Variants in MFHAS1 observed in about 807,000 individuals in gnomAD.
MFHAS1 encodes the protein malignant fibrous histiocytoma-amplified sequence 1.
MFHAS1 carries 50 observed loss-of-function variants against 70.4 expected under a neutral mutation model. The ratio of observed to expected loss-of-function variants is 0.71; its 90% confidence interval spans 0.57 to 0.90. The LOEUF (loss-of-function observed/expected upper bound fraction) is 0.90. MFHAS1 is among the 40% of genes least tolerant of loss of function. The probability of loss-of-function intolerance (pLI) is 0.00; values close to 1 mark genes in which losing one functional copy is unlikely to be tolerated. For synonymous variants in MFHAS1, 952 were observed against 620.0 expected (o/e 1.54, Z -7.96); for missense variants, 1,795 against 1,347.6 (o/e 1.33, Z -5.20).
chr8:8,870,990 A>G (rs890894875), intron 1 of MFHAS1, among the ~76,000 whole-genome samples: 4 of 152,112 alleles, frequency 2.6e-5, no homozygotes. Flanking sequence ...GTGCAATCTC[A>G]GCTCATTGCA....
At chr8:8,818,269 T>C (rs1806820894) in intron 1 of MFHAS1, among the ~76,000 whole-genome samples, 1 of 152,152 alleles carries the variant, frequency 6.6e-6, no homozygotes, top group African/African-American at 2.4e-5. Context: ...GTAAATTTTC[T>C]CTGCACACCC....
intron 1 of MFHAS1, among the ~76,000 whole-genome samples, chr8:8,873,475 C>CA (rs1809167361): frequency 7.0e-6 from 1 of 142,496 alleles, no homozygotes; most frequent in South Asian, 2.2e-4. Context: ...TAATTGCTTA[C>CA]TTTTTTTTTT....
At chr8:8,809,108 T>C (rs1806449879) in intron 1 of MFHAS1, among the ~76,000 whole-genome samples, 1 of 152,166 alleles carries the variant, frequency 6.6e-6, no homozygotes, top group African/African-American at 2.4e-5. Context: ...AAGAATCTAA[T>C]GCTTAATGAT....
chr8:8,884,493 C>T (rs946954906), intron 1 of MFHAS1, among the ~76,000 whole-genome samples: 1 of 152,156 alleles, frequency 6.6e-6, no homozygotes, highest in African/African-American at 2.4e-5. Context: ...AAGAATTTTG[C>T]TTTGCTTCAG....
At chr8:8,883,029 T>C (rs1225305299) in intron 1 of MFHAS1, among the ~76,000 whole-genome samples, 3 of 152,052 alleles carry the variant, frequency 2.0e-5, no homozygotes, top group African/African-American at 7.2e-5. Context: ...GGTGCACCCC[T>C]GTAGTCCCAG....
At chr8:8,855,367 C>T (rs776344265) in intron 1 of MFHAS1, among the ~76,000 whole-genome samples, 7 of 152,174 alleles carry the variant, frequency 4.6e-5, no homozygotes, top group Non-Finnish European at 8.8e-5. Context: ...AAGAGCCAGA[C>T]CTGAACTAGA....
Position 8,870,968 on chromosome 8 carries a change from T to C in MFHAS1, c.2998+19093A>G, listed in dbSNP as rs116694789. ...AGGAGCGTCACTCTGTTGCCCAGGCTGGAGTGCAATGGTGCAATCTCAGCT... is the reference window on the plus strand; with the variant it reads ...AGGAGCGTCACTCTGTTGCCCAGGCCGGAGTGCAATGGTGCAATCTCAGCT... On this transcript the variant is annotated intron_variant, in intron 1 of 2. Transcript: ENST00000276282. Among the ~76,000 whole-genome samples, 737 of 152,342 alleles carry C rather than the reference T, an allele frequency of 4.8e-3. 4 individuals are homozygous for C. The highest frequency in any genetic ancestry group is 0.017 in the African/African-American group (709 of 41,582).
At chr8:8,862,550 G>GA (rs200762756) in intron 1 of MFHAS1, among the ~76,000 whole-genome samples, 3,612 of 152,084 alleles carry the variant, frequency 0.024, 89 homozygotes, top group Admixed American at 0.055. Context: ...ATGCTAAAAA[G>GA]AAAAAATGTC....
chr8:8,794,901 C>T (rs957735607), intron 2 of MFHAS1, among the ~76,000 whole-genome samples: 6 of 152,132 alleles, frequency 3.9e-5, no homozygotes, highest in Admixed American at 6.6e-5. Context: ...GAGAGAGAGG[C>T]TGATAACATT....
intron 1 of MFHAS1, among the ~76,000 whole-genome samples, chr8:8,829,462 C>T (rs1386292864): frequency 1.3e-5 from 2 of 152,228 alleles, no homozygotes; most frequent in African/African-American, 2.4e-5. Context: ...GGGTAGATCA[C>T]TTGAGGTCAG....
chr8:8,881,542 A>C (rs113159033), intron 1 of MFHAS1, among the ~76,000 whole-genome samples: 3,302 of 152,130 alleles, frequency 0.022, 117 homozygotes, highest in African/African-American at 0.076. Context: ...TATGCTCCCC[A>C]CTATAGAATG....
At chr8:8,882,254 G>A (rs1809554814) in intron 1 of MFHAS1, among the ~76,000 whole-genome samples, 1 of 152,160 alleles carries the variant, frequency 6.6e-6, no homozygotes, top group African/African-American at 2.4e-5. Flanking sequence ...GCTGGGGGTG[G>A]TGGTATGTGC....
At chr8:8,822,463 G>C (rs764757963) in intron 1 of MFHAS1, among the ~76,000 whole-genome samples, 103 of 148,734 alleles carry the variant, frequency 6.9e-4, no homozygotes, top group Non-Finnish European at 1.4e-3. Context: ...GACCAAGTCA[G>C]GGGGGATTGA....
rs149044537 is a variant in MFHAS1, at chr8:8,890,792, G to C, written c.2267C>G (p.Thr756Ser). 6.8e-6 allele frequency: 11 copies of C among 1,614,044 alleles called. No individual in the cohort carries two copies. In the African/African-American group the frequency reaches 9.3e-5, roughly 14 times the overall value. ...CCCCTCCGCCTTGCCCTCTCCACTGGTCCCTAGGAGCAGCTTATGCAGCAG... is the reference window on the plus strand; with the variant it reads ...CCCCTCCGCCTTGCCCTCTCCACTGCTCCCTAGGAGCAGCTTATGCAGCAG... ...SLLLHKLLLG[T>S]SGEGKAEGES... Residue 756 changes from threonine (T) to serine (S), a missense_variant, in exon 1 of 3, where the codon ACC (threonine) becomes AGC (serine). Transcript: ENST00000276282.
At chr8:8,869,088 C>T (rs1039608577) in intron 1 of MFHAS1, among the ~76,000 whole-genome samples, 14 of 152,100 alleles carry the variant, frequency 9.2e-5, no homozygotes, top group Admixed American at 2.0e-4. Flanking sequence ...AAAAGAGGGC[C>T]GCTTTTGAGG....
chr8:8,863,215 C>G (rs549049793), intron 1 of MFHAS1, among the ~76,000 whole-genome samples: 235 of 152,330 alleles, frequency 1.5e-3, no homozygotes, highest in African/African-American at 5.4e-3. Context: ...ACTACACTGT[C>G]TTAATTACTA....
intron 1 of MFHAS1, among the ~76,000 whole-genome samples, chr8:8,872,031 G>C (rs1472879989): frequency 6.6e-6 from 1 of 152,188 alleles, no homozygotes; most frequent in East Asian, 1.9e-4. Context: ...AAGGAAGGAA[G>C]AGGAGGCTAA....
Position 8,856,702 on chromosome 8 carries a change from G to C in MFHAS1, c.2998+33359C>G, listed in dbSNP as rs184536937. Among the ~76,000 whole-genome samples the C allele has an allele frequency of 1.1e-4, 16 of 152,146 alleles. No homozygotes were observed. The East Asian group carries it at 2.9e-3, about 28-fold the overall frequency. ...TTTTATTCCTAGCCTATTCATCTTT[G>C]CATCTTTCCCAGCACAGAGCATCCC... On this transcript the variant is annotated intron_variant, in intron 1 of 2. Transcript: ENST00000276282.
At chr8:8,887,332 T>A (rs1809798456) in intron 1 of MFHAS1, among the ~76,000 whole-genome samples, 1 of 152,170 alleles carries the variant, frequency 6.6e-6, no homozygotes, top group Admixed American at 6.5e-5. Context: ...TTACCAAATC[T>A]TTCGTAACTG....
Sources: gnomAD v4.1 joint callset for allele counts (sites outside exome capture counted in the v4.1 genomes callset) on GRCh38, gnomAD v4.1.1 for gene constraint, MANE v1.5 for transcripts, NCBI Gene and HGNC (gene_info 2026-07-23, HGNC 2026-07-21) for gene names.